The following JAK1 variants were observed in gnomAD, a reference collection of about 807,000 sequenced individuals.
JAK1 encodes Janus kinase 1, also known as tyrosine-protein kinase JAK1.
Under a neutral mutation model 136.6 loss-of-function variants are expected in JAK1, and 16 were observed. That is an observed-to-expected ratio of 0.12 (90% CI 0.08 to 0.18). JAK1 has a LOEUF of 0.18. Ranked by LOEUF, JAK1 falls within the 10% of genes least tolerant of loss-of-function variation. The probability of loss-of-function intolerance (pLI) is 1.00; values close to 1 mark genes in which losing one functional copy is unlikely to be tolerated. For synonymous variants in JAK1, 492 were observed against 519.5 expected, an observed-to-expected ratio of 0.95 and a Z score of 0.72; for missense variants, 859 against 1,450.1, an observed-to-expected ratio of 0.59 and a Z score of 6.62.
chr1:64,985,299 T>A, intron 2 of JAK1: 1 of 1,610,172 alleles, frequency 6.2e-7, no homozygotes, highest in East Asian at 2.2e-5. Context: ...GGGCTGTCGG[T>A]AGCTGGATAC....
rs567119649 is a variant in JAK1, at chr1:64,906,816, T to C, written c.-77-20475A>G. On this transcript the variant is annotated intron_variant, in intron 1 of 24. Coordinates refer to ENST00000342505, the MANE Select transcript of JAK1 (RefSeq NM_002227.4). The stretch of plus-strand genomic sequence containing the variant: ...TCTTGAACCCAGATCTTTAGAAATA[T>C]AGGGAAGGACTGTTTCTGCTATTCC... 8.5e-5 allele frequency among the ~76,000 whole-genome samples: 13 copies of C among 152,256 alleles called. No individual in the cohort carries two copies. The South Asian group carries it at 2.3e-3, about 27-fold the overall frequency.
At chr1:64,938,192 GAAAA>G (rs958248774) in intron 1 of JAK1, among the ~76,000 whole-genome samples, 2 of 145,774 alleles carry the variant, frequency 1.4e-5, no homozygotes, top group African/African-American at 5.0e-5. Context: ...TTTCATGGCT[GAAAA>G]AAAAAAGTTT....
At chr1:64,983,707 C>T (rs1646572002) in intron 2 of JAK1, among the ~76,000 whole-genome samples, 1 of 152,130 alleles carries the variant, frequency 6.6e-6, no homozygotes. Flanking sequence ...ATAACTTTCC[C>T]TGCCCTGGAC....
chr1:65,011,592 A>G (rs1010838929), intron 2 of JAK1, among the ~76,000 whole-genome samples: 1 of 152,208 alleles, frequency 6.6e-6, no homozygotes, highest in Non-Finnish European at 1.5e-5. Context: ...TTTTACTACC[A>G]CTGACATATC....
chr1:64,853,125 C>T (rs191414891), intron 11 of JAK1, among the ~76,000 whole-genome samples: 1 of 152,298 alleles, frequency 6.6e-6, no homozygotes, highest in East Asian at 1.9e-4. Context: ...GTTAGGAGAG[C>T]AGAGGAGCTG....
At chr1:64,841,991 C>T (rs1654934838) in intron 17 of JAK1, among the ~76,000 whole-genome samples, 1 of 152,134 alleles carries the variant, frequency 6.6e-6, no homozygotes, top group Admixed American at 6.5e-5. Context: ...AAGGATGTTT[C>T]CTGCAGAATT....
chr1:64,840,693 A>G (rs1654837463), intron 19 of JAK1, among the ~76,000 whole-genome samples: 1 of 152,260 alleles, frequency 6.6e-6, no homozygotes, highest in South Asian at 2.1e-4. Context: ...ATTAGCCAGC[A>G]TGGGGGCGTG....
At chr1:64,943,590 A>G (rs1195104814) in intron 1 of JAK1, among the ~76,000 whole-genome samples, 1 of 152,196 alleles carries the variant, frequency 6.6e-6, no homozygotes, top group Non-Finnish European at 1.5e-5. Context: ...ATCATTTCAA[A>G]TGACAAATAT....
intron 2 of JAK1, chr1:64,985,342 C>A: frequency 6.2e-7 from 1 of 1,611,216 alleles, no homozygotes. Context: ...ACTTGCTTTT[C>A]TTGTGCCATC....
intron 1 of JAK1, among the ~76,000 whole-genome samples, chr1:65,056,292 G>A (rs568662661): frequency 6.6e-6 from 1 of 152,324 alleles, no homozygotes; most frequent in South Asian, 2.1e-4. Flanking sequence ...AAGGTACTGG[G>A]CTATAATGTG....
At chr1:65,058,350 G>T in intron 1 of JAK1, 1 of 531,640 alleles carries the variant, frequency 1.9e-6, no homozygotes, top group Non-Finnish European at 3.9e-6. Context: ...GGGTTTCTGG[G>T]TCCCAGCCAC....
chr1:64,994,955 C>T (rs1557748964), intron 2 of JAK1: 1 of 104,494 alleles, frequency 9.6e-6, no homozygotes, highest in South Asian at 3.6e-4. Flanking sequence ...TTGGTAATTC[C>T]TAAACTGCAA....
intron 1 of JAK1, among the ~76,000 whole-genome samples, chr1:64,963,666 T>C (rs893263269): frequency 1.3e-5 from 2 of 152,186 alleles, no homozygotes; most frequent in Non-Finnish European, 2.9e-5. Context: ...TTTACCTGAC[T>C]TCCCCCCAAA....
intron 24 of JAK1, 132 bp from the exon 25 acceptor site, chr1:64,834,789 G>A (rs901760802): frequency 1.1e-5 from 7 of 619,528 alleles, no homozygotes; most frequent in Admixed American, 8.6e-5. Context: ...AAAAACAAGA[G>A]TATTTGAATA....
intron 2 of JAK1, chr1:64,973,529 CT>C (rs1161996427): frequency 7.3e-6 from 1 of 137,638 alleles, no homozygotes; most frequent in Non-Finnish European, 1.5e-5. Flanking sequence ...GTCAAAATTG[CT>C]TTTTTTAAAA....
At chr1:64,910,645 C>T (rs1645268033) in intron 1 of JAK1, among the ~76,000 whole-genome samples, 1 of 152,056 alleles carries the variant, frequency 6.6e-6, no homozygotes, top group African/African-American at 2.4e-5. Context: ...ACCAGCCTGG[C>T]CAACATGGCG....
chr1:65,062,504 A>T (rs748775640), intron 1 of JAK1, among the ~76,000 whole-genome samples: 1 of 152,190 alleles, frequency 6.6e-6, no homozygotes, highest in Admixed American at 6.5e-5. Context: ...AGCCAATACC[A>T]AAGACTTGCA....
chr1:64,903,924 C>T (rs951692721), intron 1 of JAK1, among the ~76,000 whole-genome samples: 2 of 152,212 alleles, frequency 1.3e-5, no homozygotes, highest in South Asian at 2.1e-4. Context: ...ACATTCCATG[C>T]TCTTAGGAAA....
chr1:64,884,653 A>C (rs1329394607), intron 2 of JAK1, among the ~76,000 whole-genome samples: 3 of 152,008 alleles, frequency 2.0e-5, no homozygotes, highest in Non-Finnish European at 4.4e-5. Context: ...TCCTGCCTTC[A>C]CTCACACTGA....
Sources: allele counts gnomAD v4.1 joint callset (sites outside exome capture counted in the v4.1 genomes callset), GRCh38; gene constraint gnomAD v4.1.1; transcripts MANE v1.5; gene names NCBI Gene and HGNC (gene_info 2026-07-23, HGNC 2026-07-21).